Variants in SLC17A3 observed in about 807,000 individuals in gnomAD.
SLC17A3 encodes solute carrier family 17 member 3, also known as sodium-dependent phosphate transport protein 4.
In SLC17A3, 61 loss-of-function variants were observed where a neutral mutation model predicts 60.3. The ratio of observed to expected loss-of-function variants is 1.01; its 90% CI spans 0.82 to 1.25. SLC17A3 has a LOEUF of 1.25. SLC17A3 is among the 50% of genes most tolerant of loss of function. The pLI is 0.00. For synonymous variants in SLC17A3, 192 were observed against 208.9 expected (o/e 0.92, Z 0.70); for missense variants, 624 against 594.9 (o/e 1.05, Z -0.51).
chr6:25,846,830 C>T (rs1041316940), intron 11 of SLC17A3, among the ~76,000 whole-genome samples: 15 of 152,238 alleles, frequency 9.9e-5, no homozygotes, highest in African/African-American at 3.4e-4. Context: ...CCAGGATGGT[C>T]TTGATCTCCT....
At chr6:25,867,694 T>A (rs1765559574) in intron 2 of SLC17A3, among the ~76,000 whole-genome samples, 1 of 151,936 alleles carries the variant, frequency 6.6e-6, no homozygotes, top group Admixed American at 6.6e-5. Flanking sequence ...AAATACTTCA[T>A]CTATTGGATA....
At chr6:25,862,697 C>T (rs185105003) in intron 2 of SLC17A3, among the ~76,000 whole-genome samples, 1 of 151,616 alleles carries the variant, frequency 6.6e-6, no homozygotes, top group African/African-American at 2.4e-5. Context: ...TTGTATCTAC[C>T]ATTCCTAGGT....
intron 5 of SLC17A3, among the ~76,000 whole-genome samples, chr6:25,859,565 A>C (rs1365606488): frequency 6.6e-6 from 1 of 152,206 alleles, no homozygotes; most frequent in Non-Finnish European, 1.5e-5. Flanking sequence ...CTCAAGAAAC[A>C]CAAAGCCATG....
Position 25,868,420 on chromosome 6 carries a change from C to T in SLC17A3, c.-33G>A, listed in dbSNP as rs1324423686. 6.5e-7 allele frequency: 1 copy of T among 1,543,558 alleles called. No homozygotes were observed. The highest frequency in any genetic ancestry group is 1.4e-5 in the African/African-American group (1 of 73,410). On this transcript the variant is annotated splice_region_variant and 5_prime_UTR_variant, in exon 2 of 13. The change creates a new upstream start codon in the 5' untranslated region. Transcript: ENST00000397060. ...CTCCTCTCCTAGTGAATGGTTTTCA[C>T]CTATCAGGGAGATATGTAATTCACA...
Position 25,845,271 on chromosome 6 carries a change from A to ATTT in SLC17A3, c.*29_*30insAAA, listed in dbSNP as rs1765152907. On this transcript the variant is annotated 3_prime_UTR_variant, in exon 13 of 13. Transcript: ENST00000397060. ...TTCTATTTTATGCAATACGGTGCCT[A>ATTT]ATGACTTTTCCATCCAAGGTGGGAT... 4 of 1,331,272 alleles carry ATTT rather than the reference A, an allele frequency of 3.0e-6. No individual in the cohort carries two copies. The Admixed American group carries it at 6.8e-5, about 23-fold the overall frequency. 82.5% of individuals were successfully genotyped at this position (1,331,272 alleles called of 1,614,324 possible). A position where few individuals can be genotyped will look rare whatever the true frequency, so the allele number is the denominator to read the frequency against.
At position 25,849,877 on chromosome 6, in the gene SLC17A3, A is replaced by T. The variant is rs1443790667; in HGVS notation, c.1199T>A (p.Leu400Gln). ...TGTGCTTAATCCGCAAGAGAGCGTC[A>T]GCAAGGCAGTTGCTGTGATATAGCC... ...NSGYITATAL[L>Q]TLSCGLSTLC... The change falls in exon 10 of 13, where the codon CTG (leucine) becomes CAG (glutamine). Residue 400 changes from leucine to glutamine, a missense_variant. Coordinates refer to ENST00000397060, the MANE Select transcript of SLC17A3 (RefSeq NM_001098486.2). 6.2e-7 allele frequency: 1 copy of T among 1,614,124 alleles called. No individual in the cohort carries two copies. The highest frequency in any genetic ancestry group is 8.5e-7 in the Non-Finnish European group (1 of 1,179,906).
chr6:25,857,426 C>T (rs1765375563), intron 5 of SLC17A3, among the ~76,000 whole-genome samples: 1 of 151,692 alleles, frequency 6.6e-6, no homozygotes, highest in Non-Finnish European at 1.5e-5. Context: ...ATCCTCCCAT[C>T]TTTAATTTTT....
chr6:25,854,243 C>T (rs1042933017), intron 6 of SLC17A3, among the ~76,000 whole-genome samples: 1 of 152,220 alleles, frequency 6.6e-6, no homozygotes, highest in South Asian at 2.1e-4. Flanking sequence ...AATATTGAGG[C>T]CTCCATCTTT....
In SLC17A3 at chr6:25,850,090, T is replaced by G; in HGVS notation, c.1081A>C (p.Lys361Gln). Reference protein sequence around the residue: ...GYLADFLLTKKFRLITVRKIA... With the variant: ...GYLADFLLTKQFRLITVRKIA... ...TTCCTCACAGTGATGAGTCTAAACTTTTTGGTTAGAAGGAAATCTGCCAGA... is the reference window on the plus strand; with the variant it reads ...TTCCTCACAGTGATGAGTCTAAACTGTTTGGTTAGAAGGAAATCTGCCAGA... Residue 361 changes from lysine (K) to glutamine (Q), a missense_variant, in exon 9 of 13, where the codon AAG becomes CAG. Transcript: ENST00000397060. 1.9e-6 allele frequency: 3 copies of G among 1,613,916 alleles called. No homozygotes were observed. Among genetic ancestry groups the G allele is most frequent in the Non-Finnish European group, 2.5e-6 (3 of 1,179,842 alleles).
Position 25,862,437 on chromosome 6 carries a change from A to T in SLC17A3, c.99T>A (p.Ser33Arg). Residue 33 changes from serine to arginine, a missense_variant, in exon 3 of 13, where the codon AGT (serine) becomes AGA (arginine). By Grantham distance (110) the Ser-to-Arg change is moderately radical. Transcript: ENST00000397060. ...DETLIPRKVP[S>R]LCSARYGIAL... ...CTATTCCATAGCGAGCAGAACATAA[A>T]CTTGGAACTGGAAATATTATGACAT... 2 of 1,612,768 alleles carry T rather than the reference A, an allele frequency of 1.2e-6. No individual in the cohort carries two copies. Among genetic ancestry groups the T allele is most frequent in the South Asian group, 2.2e-5 (2 of 91,052 alleles).
chr6:25,855,980 TG>T (rs1454627530), intron 5 of SLC17A3, among the ~76,000 whole-genome samples: 1 of 152,232 alleles, frequency 6.6e-6, no homozygotes, highest in African/African-American at 2.4e-5. Flanking sequence ...AGCGTTTTTA[TG>T]TCATTCTAGA....
chr6:25,868,770 A>G (rs1765582193), intron 1 of SLC17A3, among the ~76,000 whole-genome samples: 1 of 152,010 alleles, frequency 6.6e-6, no homozygotes, highest in South Asian at 2.1e-4. Context: ...TAACAACAAC[A>G]TCTTCATCAA....
At chr6:25,853,406 G>GTTTTTTTT (rs70977233) in intron 6 of SLC17A3, among the ~76,000 whole-genome samples, 3 of 58,728 alleles carry the variant, frequency 5.1e-5, no homozygotes, top group Non-Finnish European at 6.1e-5. Flanking sequence ...ATTTCTGCAT[G>GTTTTTTTT]TTTTTTTTTT....
At chr6:25,848,044 A>G (rs1765207734) in intron 11 of SLC17A3, among the ~76,000 whole-genome samples, 1 of 152,150 alleles carries the variant, frequency 6.6e-6, no homozygotes, top group Non-Finnish European at 1.5e-5. Flanking sequence ...ATAGTCTCCA[A>G]TCCCATCCAG....
At chr6:25,870,369 G>T (rs1287742445) in intron 1 of SLC17A3, among the ~76,000 whole-genome samples, 2 of 151,952 alleles carry the variant, frequency 1.3e-5, no homozygotes, top group African/African-American at 4.8e-5. Flanking sequence ...ACAAGAATAT[G>T]ATGTTTCCAT....
chr6:25,852,655 A>G (rs1004631004), intron 6 of SLC17A3, among the ~76,000 whole-genome samples: 4 of 151,978 alleles, frequency 2.6e-5, no homozygotes, highest in Non-Finnish European at 4.4e-5. Context: ...TCATCTCTAT[A>G]AGTTTTATTG....
rs1226328136 is a variant in SLC17A3, at chr6:25,850,544, C to G, written c.908G>C (p.Cys303Ser). 3 of 1,613,688 alleles carry G rather than the reference C, an allele frequency of 1.9e-6. No individual in the cohort carries two copies. Among genetic ancestry groups the G allele is most frequent in the South Asian group, 1.1e-5 (1 of 91,070 alleles). ...SLPIWSICLG[C>S]FSHQWLVSTM... Reference sequence around the variant, plus strand: ...GCTAACTAACCATTGATGGCTGAAACAGCCTAAACATATGGACCAAATGGG... The same window carrying G: ...GCTAACTAACCATTGATGGCTGAAAGAGCCTAAACATATGGACCAAATGGG... Residue 303 changes from cysteine to serine, a missense_variant, in exon 8 of 13, where the codon TGT becomes TCT. Transcript: ENST00000397060.
At chr6:25,868,523 C>T (rs1765577523) in intron 1 of SLC17A3, 103 bp from the exon 2 acceptor site, 1 of 748,854 alleles carries the variant, frequency 1.3e-6, no homozygotes, top group South Asian at 1.6e-5. Flanking sequence ...TGGCCCATTC[C>T]ATCTGGTTGG....
At chr6:25,862,200 G>GA (rs1284018619) in intron 3 of SLC17A3, 33 bp downstream of exon 3, 7 of 1,581,366 alleles carry the variant, frequency 4.4e-6, no homozygotes, top group Non-Finnish European at 6.1e-6. Flanking sequence ...ACAGCAAAAA[G>GA]AAAAGCACAA....
Sources: gnomAD v4.1 joint callset for allele counts (sites outside exome capture counted in the v4.1 genomes callset) on GRCh38, gnomAD v4.1.1 for gene constraint, MANE v1.5 for transcripts, NCBI Gene and HGNC (gene_info 2026-07-23, HGNC 2026-07-21) for gene names.